The following TFAP2B variants were observed in gnomAD, a reference collection of about 807,000 sequenced individuals.
TFAP2B encodes the protein transcription factor AP-2-beta.
In TFAP2B, 9 loss-of-function variants were observed where a neutral mutation model predicts 44.3. The ratio of observed to expected loss-of-function variants is 0.20; its 90% CI spans 0.12 to 0.35. TFAP2B has a LOEUF of 0.35. Ranked by LOEUF, TFAP2B falls within the 10% of genes least tolerant of loss-of-function variation. TFAP2B has a pLI of 1.00. For synonymous variants in TFAP2B, 270 were observed against 263.8 expected, an observed-to-expected ratio of 1.02 and a Z score of -0.23; for missense variants, 509 against 600.0, an observed-to-expected ratio of 0.85 and a Z score of 1.59.
At chr6:50,834,316 C>T (rs1185329500) in intron 3 of TFAP2B, among the ~76,000 whole-genome samples, 6 of 152,178 alleles carry the variant, frequency 3.9e-5, no homozygotes, top group Admixed American at 2.6e-4. Context: ...CCCCTGTCCC[C>T]GCCCCATGAC....
chr6:50,821,136 T>C (rs1033312191), intron 1 of TFAP2B, among the ~76,000 whole-genome samples: 1 of 152,214 alleles, frequency 6.6e-6, no homozygotes, highest in Admixed American at 6.5e-5. Flanking sequence ...AAAGGTTTTC[T>C]GTTGCCCCTG....
intron 6 of TFAP2B, 97 bp from the exon 7 acceptor site, chr6:50,842,995 G>T: frequency 6.6e-7 from 1 of 1,521,580 alleles, no homozygotes; most frequent in South Asian, 1.1e-5. Context: ...GCTCTTCGGT[G>T]ACCCGGCGCC....
intron 1 of TFAP2B, among the ~76,000 whole-genome samples, chr6:50,819,575 G>C (rs775672091): frequency 7.2e-5 from 11 of 152,168 alleles, no homozygotes; most frequent in Non-Finnish European, 1.2e-4. Context: ...GGGTCACTGC[G>C]TCCGAACAGA....
rs1008543433 is a variant in TFAP2B at position 50,843,344 on chromosome 6, A to C, written c.1335A>C (p.Glu445Asp). 2 of 1,614,122 alleles carry C rather than the reference A, an allele frequency of 1.2e-6. No homozygotes were observed. Among genetic ancestry groups the C allele is most frequent in the African/African-American group, 2.7e-5 (2 of 75,050 alleles). ...CCACTAACAGGCACACGTCTGGGGAAGGCCCAGGTAGTAAAACTGGCGACA... is the reference window on the plus strand; with the variant it reads ...CCACTAACAGGCACACGTCTGGGGACGGCCCAGGTAGTAAAACTGGCGACA... ...NTTTNRHTSGEGPGSKTGDKE... is the reference protein window; with the variant it reads ...NTTTNRHTSGDGPGSKTGDKE... The change falls in exon 7 of 7, where the codon GAA becomes GAC. Residue 445 changes from glutamate to aspartate, a missense_variant. Around this residue, in one of 3 missense-constraint regions of TFAP2B, gnomAD observed 168 missense variants for 183.2 expected, o/e 0.92. Transcript: ENST00000393655.
At chr6:50,827,678 GA>G (rs567916832) in intron 2 of TFAP2B, among the ~76,000 whole-genome samples, 256 of 152,306 alleles carry the variant, frequency 1.7e-3, no homozygotes, top group African/African-American at 3.2e-3. Flanking sequence ...GTAGATTTTA[GA>G]AAGACCTAGC....
intron 6 of TFAP2B, among the ~76,000 whole-genome samples, chr6:50,842,857 G>A (rs936650547): frequency 1.3e-5 from 2 of 152,204 alleles, no homozygotes; most frequent in Non-Finnish European, 2.9e-5. Flanking sequence ...CTGAAGTCGG[G>A]GGAAGGCAAG....
At chr6:50,833,218 G>A (rs1268660831) in intron 3 of TFAP2B, among the ~76,000 whole-genome samples, 2 of 152,050 alleles carry the variant, frequency 1.3e-5, no homozygotes, top group African/African-American at 4.8e-5. Context: ...GTTGAGCTCT[G>A]GGTTTATTGA....
Position 50,823,670 on chromosome 6 carries a change from T to C in TFAP2B, c.345T>C (p.Gly115=), listed in dbSNP as rs1770421268. 1.2e-6 allele frequency: 2 copies of C among 1,613,760 alleles called. No individual in the cohort carries two copies. The highest frequency in any genetic ancestry group is 1.7e-5 in the Admixed American group (1 of 59,976). The change falls in exon 2 of 7, where the codon GGT becomes GGC. Residue 115 remains glycine, a synonymous_variant. Transcript: ENST00000393655. ...GGCAACGGCAGCGGCAAGAAGTGGGTTCGGAAGCCGGCTCTCTCCTGCCCC... is the reference window on the plus strand; with the variant it reads ...GGCAACGGCAGCGGCAAGAAGTGGGCTCGGAAGCCGGCTCTCTCCTGCCCC... ...PWGQRQRQEV[G]SEAGSLLPQP...
intron 3 of TFAP2B, among the ~76,000 whole-genome samples, chr6:50,835,236 A>G (rs1240757482): frequency 1.3e-5 from 2 of 152,270 alleles, no homozygotes; most frequent in Non-Finnish European, 2.9e-5. Context: ...ACCGCCGCTC[A>G]TATGAATTAG....
intron 3 of TFAP2B, among the ~76,000 whole-genome samples, chr6:50,834,780 C>T (rs535355849): frequency 6.6e-6 from 1 of 152,286 alleles, no homozygotes; most frequent in East Asian, 1.9e-4. Flanking sequence ...TTGGAAACCT[C>T]TTTTTTCACA....
chr6:50,838,141 C>A, intron 5 of TFAP2B, 48 bp downstream of exon 5: 1 of 1,357,376 alleles, frequency 7.4e-7, no homozygotes, highest in South Asian at 1.2e-5. Flanking sequence ...GCTTAACTGT[C>A]GGCTGGAGGC....
chr6:50,838,032 G>T lies in TFAP2B; in HGVS notation c.879G>T (p.Leu293Phe). 6.2e-7 allele frequency: 1 copy of T among 1,614,224 alleles called. No individual in the cohort carries two copies. The change falls in exon 5 of 7, where the codon TTG becomes TTT. Residue 293 changes from leucine (L) to phenylalanine (F), a missense_variant. Leu to Phe is a conservative substitution (Grantham distance 22). Around this residue, in one of 3 missense-constraint regions of TFAP2B, gnomAD observed 45 missense variants for 108.6 expected, o/e 0.41. Transcript: ENST00000393655. ...GAGAAAGGCTAGAAAAAATCGGTTT[G>T]AATTTACCCGCGGGCAGGCGCAAAG... ...SLRERLEKIGLNLPAGRRKAA... is the reference protein window; with the variant it reads ...SLRERLEKIGFNLPAGRRKAA...
intron 5 of TFAP2B, 115 bp downstream of exon 5, chr6:50,838,208 T>G: frequency 2.1e-6 from 2 of 933,392 alleles, no homozygotes; most frequent in African/African-American, 3.2e-5. Flanking sequence ...TGTGCTCTTA[T>G]GAGCTGGATG....
intron 2 of TFAP2B, among the ~76,000 whole-genome samples, chr6:50,828,323 G>A (rs1220472286): frequency 1.3e-5 from 2 of 152,144 alleles, no homozygotes; most frequent in Non-Finnish European, 2.9e-5. Flanking sequence ...ATTCATAAGA[G>A]CAAATAATAT....
At chr6:50,823,385 C>G in intron 1 of TFAP2B, 22 bp from the exon 2 acceptor site, 1 of 1,560,828 alleles carries the variant, frequency 6.4e-7, no homozygotes, top group Non-Finnish European at 8.7e-7. Flanking sequence ...GGCTCTCTTC[C>G]CCTTCCTCTC....
chr6:50,842,949 G>A (rs1464937514), intron 6 of TFAP2B, 143 bp from the exon 7 acceptor site: 6 of 1,190,656 alleles, frequency 5.0e-6, no homozygotes, highest in Non-Finnish European at 7.5e-6. Context: ...AGGGCGCTGG[G>A]AAAGGAAACA....
In TFAP2B at chr6:50,847,472, T is replaced by TA. The variant is rs1332751208; in HGVS notation, c.*4086dup. The TA allele has an allele frequency of 1.3e-5, 2 of 152,622 alleles. No homozygotes were observed. The highest frequency in any genetic ancestry group is 4.8e-5 in the African/African-American group (2 of 41,438). The allele number at this position is 152,622 out of a possible 1,614,324, so 9.5% of individuals were successfully genotyped here. ...ATCTATACCTCTGTGAATGGGTGGT[T>TA]AAAAAACCTCTTGACCCTAGATAGA... is the stretch of plus-strand genomic sequence containing the variant. On this transcript the variant is annotated 3_prime_UTR_variant, in exon 7 of 7. Transcript: ENST00000393655.
At position 50,823,847 on chromosome 6, in the gene TFAP2B, C is replaced by A; in HGVS notation, c.522C>A (p.Pro174=). The A allele has an allele frequency of 6.4e-7, 1 of 1,556,782 alleles. No homozygotes were observed. Among genetic ancestry groups the A allele is most frequent in the East Asian group, 2.4e-5 (1 of 41,640 alleles). Residue 174 remains proline, a synonymous_variant, in exon 2 of 7, where the codon CCC becomes CCA. Transcript: ENST00000393655. ...DSLSLHGLGH[P]GMEDVQSVED... Reference sequence around the variant, plus strand: ...TCTCGCTGCACGGCCTCGGCCATCCCGGAATGGAAGACGTCCAGGTAACCA... The same window carrying A: ...TCTCGCTGCACGGCCTCGGCCATCCAGGAATGGAAGACGTCCAGGTAACCA...
chr6:50,844,764 C>G lies in TFAP2B; in HGVS notation c.*1372C>G, dbSNP rs1298876679. ...GGTTCTTTGGTGATTGCTGTTTAAG[C>G]AAGGAAAGAAGCAGCTTTACGAGTG... On this transcript the variant is annotated 3_prime_UTR_variant, in exon 7 of 7. Coordinates refer to ENST00000393655, the MANE Select transcript of TFAP2B (RefSeq NM_003221.4). The G allele has an allele frequency of 6.6e-6, 1 of 152,202 alleles. No individual in the cohort carries two copies. The highest frequency in any genetic ancestry group is 1.9e-4 in the East Asian group (1 of 5,198). The allele number at this position is 152,202 out of a possible 1,614,324, so 9.4% of individuals were successfully genotyped here. A position where few individuals can be genotyped will look rare whatever the true frequency, so the allele number is the denominator to read the frequency against.
Sources: allele counts gnomAD v4.1 joint callset (sites outside exome capture counted in the v4.1 genomes callset), GRCh38; gene constraint gnomAD v4.1.1; regional missense constraint gnomAD v4.1.1; transcripts MANE v1.5; gene names NCBI Gene and HGNC (gene_info 2026-07-23, HGNC 2026-07-21).